CSMD1: variants seen among roughly 807,000 people sequenced by gnomAD.
The protein encoded by CSMD1 is CUB and sushi domain-containing protein 1.
CSMD1 carries 213 observed loss-of-function variants against 417.5 expected under a neutral mutation model. The ratio of observed to expected loss-of-function variants is 0.51; its 90% CI spans 0.46 to 0.57. The LOEUF (loss-of-function observed/expected upper bound fraction) is 0.57. CSMD1 is among the 20% of genes least tolerant of loss of function. The probability of loss-of-function intolerance (pLI) is 0.00; values close to 1 mark genes in which losing one functional copy is unlikely to be tolerated. For synonymous variants in CSMD1, 2,862 were observed against 1,736.8 expected, an observed-to-expected ratio of 1.65 and a Z score of -16.11; for missense variants, 6,923 against 4,529.7, an observed-to-expected ratio of 1.53 and a Z score of -15.17.
At chr8:4,572,388 C>G (rs575845517) in intron 2 of CSMD1, among the ~76,000 whole-genome samples, 1 of 152,238 alleles carries the variant, frequency 6.6e-6, no homozygotes, top group Admixed American at 6.5e-5. Flanking sequence ...CTTAGTTTGG[C>G]TGGACATGAA....
chr8:4,006,825 T>A (rs1260599268), intron 4 of CSMD1, among the ~76,000 whole-genome samples: 1 of 136,606 alleles, frequency 7.3e-6, no homozygotes, highest in Non-Finnish European at 1.6e-5. Context: ...CTTTTCCTAT[T>A]TTTTTTTTTT....
chr8:3,304,769 G>C (rs992663480), intron 25 of CSMD1, among the ~76,000 whole-genome samples: 5 of 150,890 alleles, frequency 3.3e-5, no homozygotes, highest in Non-Finnish European at 7.4e-5. Context: ...CAAAGTATTA[G>C]ATTCACCTGT....
chr8:3,971,110 C>A (rs754808682), intron 5 of CSMD1, among the ~76,000 whole-genome samples: 1 of 152,092 alleles, frequency 6.6e-6, no homozygotes, highest in Non-Finnish European at 1.5e-5. Context: ...ACCATGTGAT[C>A]CAACATGGTG....
intron 3 of CSMD1, among the ~76,000 whole-genome samples, chr8:4,044,745 T>C (rs568036411): frequency 6.6e-6 from 1 of 152,294 alleles, no homozygotes; most frequent in African/African-American, 2.4e-5. Context: ...ACCCTGGGCA[T>C]GTACCACCCT....
chr8:3,715,190 T>C (rs1020781137), intron 6 of CSMD1, among the ~76,000 whole-genome samples: 3 of 152,174 alleles, frequency 2.0e-5, no homozygotes, highest in East Asian at 1.9e-4. Context: ...TTCATCAAAG[T>C]ACCTGTATAG....
rs118138383 is a variant in CSMD1 at position 3,172,619 on chromosome 8, G to A, written c.5725+8491C>T. ...CATGTGAGTGGAGTGTGTATAATTG[G>A]TGGTGCACGTAGGGAACCTACAGGA... On this transcript the variant is annotated intron_variant, in intron 37 of 69. Transcript: ENST00000635120. Among the ~76,000 whole-genome samples, 866 of 152,264 alleles carry A rather than the reference G, an allele frequency of 5.7e-3. 4 individuals are homozygous for A. Among genetic ancestry groups the A allele is most frequent in the Non-Finnish European group, 7.8e-3 (532 of 68,026 alleles).
intron 5 of CSMD1, among the ~76,000 whole-genome samples, chr8:3,784,494 T>C (rs1252501283): frequency 2.0e-5 from 3 of 152,200 alleles, no homozygotes; most frequent in Admixed American, 6.5e-5. Flanking sequence ...GATGGGCACT[T>C]ATTTTTGGAC....
chr8:4,210,787 G>A (rs150918379), intron 3 of CSMD1, among the ~76,000 whole-genome samples: 24 of 152,168 alleles, frequency 1.6e-4, no homozygotes, highest in African/African-American at 4.3e-4. Flanking sequence ...GAGTAAATAC[G>A]AGCATATCTA....
chr8:4,693,226 G>A (rs1160507502), intron 1 of CSMD1, among the ~76,000 whole-genome samples: 5 of 152,318 alleles, frequency 3.3e-5, no homozygotes, highest in Non-Finnish European at 5.9e-5. Context: ...CTTGGGTGAC[G>A]GCCATGAGCA....
At chr8:4,914,542 C>T (rs1249765344) in intron 1 of CSMD1, among the ~76,000 whole-genome samples, 1 of 147,632 alleles carries the variant, frequency 6.8e-6, no homozygotes, top group Non-Finnish European at 1.5e-5. Flanking sequence ...CGCGCCACTG[C>T]ACTCCAGCCT....
At chr8:3,874,822 G>A (rs2930348) in intron 5 of CSMD1, among the ~76,000 whole-genome samples, 6,304 of 152,094 alleles carry the variant, frequency 0.041, 444 homozygotes, top group African/African-American at 0.14. Flanking sequence ...CACCAAAGAC[G>A]GGGTCAATTT....
intron 6 of CSMD1, among the ~76,000 whole-genome samples, chr8:3,713,726 C>T (rs9657395): frequency 0.33 from 50,018 of 152,000 alleles, 8,388 homozygotes; most frequent in East Asian, 0.5. Context: ...ACAAATGTAA[C>T]GTACTCAATA....
At chr8:4,337,471 G>C (rs2068943075) in intron 3 of CSMD1, among the ~76,000 whole-genome samples, 2 of 151,918 alleles carry the variant, frequency 1.3e-5, no homozygotes, top group African/African-American at 2.4e-5. Flanking sequence ...CACTGTGATG[G>C]GATCTCTGCT....
At chr8:4,610,920 A>C (rs1364959294) in intron 2 of CSMD1, among the ~76,000 whole-genome samples, 2 of 152,230 alleles carry the variant, frequency 1.3e-5, no homozygotes, top group African/African-American at 4.8e-5. Context: ...TTATAATGAC[A>C]TAACTATGTT....
chr8:4,912,068 T>C (rs554220556), intron 1 of CSMD1, among the ~76,000 whole-genome samples: 3 of 133,336 alleles, frequency 2.2e-5, no homozygotes, highest in East Asian at 2.1e-4. Flanking sequence ...AAAACCTAAA[T>C]CCCAGTTCTT....
At chr8:4,205,750 G>A (rs1374727982) in intron 3 of CSMD1, among the ~76,000 whole-genome samples, 1 of 151,882 alleles carries the variant, frequency 6.6e-6, no homozygotes, top group Non-Finnish European at 1.5e-5. Context: ...ACTGTGAGAT[G>A]AACAGCTGTT....
chr8:4,468,187 G>A lies in CSMD1; in HGVS notation c.303-48122C>T, dbSNP rs192441395. On this transcript the variant is annotated intron_variant, in intron 2 of 69. Coordinates refer to ENST00000635120, the MANE Select transcript of CSMD1 (RefSeq NM_033225.6). The stretch of plus-strand genomic sequence containing the variant: ...GTGCTCTAACAGCACTTGTCACGCT[G>A]TGTAAGTTGAGAAAGCAGCAGTGCC... Among the ~76,000 whole-genome samples the A allele has an allele frequency of 2.7e-4, 41 of 152,228 alleles. No homozygotes were observed. In the Middle Eastern group the frequency reaches 0.014, roughly 51 times the overall value.
chr8:3,439,724 A>C (rs2117056039), intron 12 of CSMD1, among the ~76,000 whole-genome samples: 1 of 152,292 alleles, frequency 6.6e-6, no homozygotes, highest in Non-Finnish European at 1.5e-5. Flanking sequence ...AGTCTAAGAA[A>C]TATTTGCCTA....
intron 9 of CSMD1, 127 bp from the exon 10 acceptor site, chr8:3,575,193 C>T (rs1182372056): frequency 5.4e-6 from 5 of 934,046 alleles, no homozygotes; most frequent in Non-Finnish European, 7.7e-6. Context: ...AAAAATGGTG[C>T]ATGGACTCCA....
Sources: allele counts gnomAD v4.1 joint callset (sites outside exome capture counted in the v4.1 genomes callset), GRCh38; gene constraint gnomAD v4.1.1; transcripts MANE v1.5; gene names NCBI Gene and HGNC (gene_info 2026-07-23, HGNC 2026-07-21).